The following RAB3IP variants were observed in gnomAD, a reference collection of about 807,000 sequenced individuals.
RAB3IP encodes RAB3A interacting protein.
RAB3IP carries 36 observed loss-of-function variants against 59.1 expected under a neutral mutation model. The ratio of observed to expected loss-of-function variants is 0.61; its 90% CI spans 0.47 to 0.80. The LOEUF (loss-of-function observed/expected upper bound fraction) is 0.80, where lower values mean the gene tolerates loss of function less well. RAB3IP is among the 30% of genes least tolerant of loss of function. RAB3IP has a pLI of 0.00. For synonymous variants in RAB3IP, 207 were observed against 191.2 expected, an observed-to-expected ratio of 1.08 and a Z score of -0.68; for missense variants, 511 against 536.0, an observed-to-expected ratio of 0.95 and a Z score of 0.46.
rs12424754 is a variant in RAB3IP, at chr12:69,802,758, T to C, written c.1130+1037T>C. Among the ~76,000 whole-genome samples, 930 of 152,330 alleles carry C rather than the reference T, an allele frequency of 6.1e-3. 9 individuals are homozygous for C. The highest frequency in any genetic ancestry group is 0.05 in the East Asian group (259 of 5,172). ...AGCTGTTGTAGGAATTGTGTGCTTG[T>C]TTCTATTCCCTGTTACGCACGTTAC... On this transcript the variant is annotated intron_variant, in intron 8 of 10. Coordinates refer to ENST00000247833, the MANE Select transcript of RAB3IP (RefSeq NM_022456.5).
At chr12:69,753,468 G>A (rs990657315) in intron 1 of RAB3IP, among the ~76,000 whole-genome samples, 1 of 152,100 alleles carries the variant, frequency 6.6e-6, no homozygotes, top group Non-Finnish European at 1.5e-5. Flanking sequence ...TCCTGCCTCA[G>A]CCTTCCGAGA....
intron 3 of RAB3IP, among the ~76,000 whole-genome samples, chr12:69,783,957 C>T (rs1204873785): frequency 6.6e-6 from 1 of 152,120 alleles, no homozygotes; most frequent in Non-Finnish European, 1.5e-5. Context: ...TATACTGCCA[C>T]CACAATTATA....
intron 3 of RAB3IP, among the ~76,000 whole-genome samples, chr12:69,763,654 G>T (rs1284057859): frequency 2.0e-5 from 3 of 151,900 alleles, no homozygotes; most frequent in African/African-American, 7.3e-5. Context: ...ATATGTGCAG[G>T]TATATTACCT....
intron 8 of RAB3IP, among the ~76,000 whole-genome samples, chr12:69,809,524 CT>C (rs915370050): frequency 6.6e-6 from 1 of 152,224 alleles, no homozygotes; most frequent in Non-Finnish European, 1.5e-5. Flanking sequence ...CTCCCCGTCA[CT>C]TTCAGGTACA....
chr12:69,801,629 G>A lies in RAB3IP; in HGVS notation c.1038G>A (p.Glu346=). The part of the protein sequence containing the change: ...SKSELASAVL[E]AVENNTLSIE... ...TTAAGTTGGCTTCAGCTGTTCTGGA[G>A]GCTGTGGAAAACAATACTCTAAGCA... Residue 346 remains glutamate, a synonymous_variant, in exon 8 of 11, where the codon GAG becomes GAA. Coordinates refer to ENST00000247833, the MANE Select transcript of RAB3IP (RefSeq NM_022456.5). The A allele has an allele frequency of 6.2e-7, 1 of 1,611,532 alleles. No individual in the cohort carries two copies. Among genetic ancestry groups the A allele is most frequent in the Non-Finnish European group, 8.5e-7 (1 of 1,178,484 alleles).
At chr12:69,739,812 T>A in intron 1 of RAB3IP, 2 of 1,613,616 alleles carry the variant, frequency 1.2e-6, no homozygotes. Context: ...TGATGCTGGG[T>A]GGAAGTCGCA....
intron 6 of RAB3IP, 51 bp from the exon 7 acceptor site, chr12:69,800,158 T>C (rs1878150695): frequency 1.4e-6 from 2 of 1,406,850 alleles, no homozygotes; most frequent in African/African-American, 1.5e-5. Context: ...AAGCGGTTTT[T>C]ATGTTTATAC....
chr12:69,770,535 C>T (rs1212386810), intron 3 of RAB3IP, among the ~76,000 whole-genome samples: 1 of 152,148 alleles, frequency 6.6e-6, no homozygotes, highest in Non-Finnish European at 1.5e-5. Flanking sequence ...CCTGCTGATG[C>T]AGAACCTGTG....
Position 69,738,938 on chromosome 12 carries a change from C to T in RAB3IP, c.-119C>T, listed in dbSNP as rs1241251251. 6.6e-6 allele frequency: 1 copy of T among 152,084 alleles called. No homozygotes were observed. The highest frequency in any genetic ancestry group is 1.5e-5 in the Non-Finnish European group (1 of 68,024). 9.4% of individuals were successfully genotyped at this position (152,084 alleles called of 1,614,324 possible). On this transcript the variant is annotated 5_prime_UTR_variant, in exon 1 of 11. Transcript: ENST00000247833. ...CGTGGAGTGTAGCGGAAAGGGCTCGCCGTCCTCCTCCGTTTCTCGCTGCTT... is the reference window on the plus strand; with the variant it reads ...CGTGGAGTGTAGCGGAAAGGGCTCGTCGTCCTCCTCCGTTTCTCGCTGCTT...
At chr12:69,791,048 T>C (rs981920690) in intron 4 of RAB3IP, among the ~76,000 whole-genome samples, 3 of 152,146 alleles carry the variant, frequency 2.0e-5, no homozygotes, top group Non-Finnish European at 4.4e-5. Context: ...ACATTTTTGG[T>C]TAGCTGACCC....
At chr12:69,745,996 T>C (rs1399929259) in intron 1 of RAB3IP, among the ~76,000 whole-genome samples, 5 of 152,310 alleles carry the variant, frequency 3.3e-5, no homozygotes, top group African/African-American at 1.2e-4. Context: ...CCATTTCAAA[T>C]GAATGCTCTG....
intron 8 of RAB3IP, among the ~76,000 whole-genome samples, chr12:69,802,563 A>G (rs147631747): frequency 6.6e-6 from 1 of 152,218 alleles, no homozygotes; most frequent in African/African-American, 2.4e-5. Context: ...TTAAAAAATG[A>G]CTTGGAAAGC....
At chr12:69,786,721 A>C (rs1421902172) in intron 4 of RAB3IP, among the ~76,000 whole-genome samples, 1 of 152,196 alleles carries the variant, frequency 6.6e-6, no homozygotes, top group Non-Finnish European at 1.5e-5. Flanking sequence ...CTGTTACATG[A>C]AATAGAAGTA....
chr12:69,809,848 C>T (rs922107716), intron 8 of RAB3IP, among the ~76,000 whole-genome samples: 7 of 152,120 alleles, frequency 4.6e-5, no homozygotes, highest in African/African-American at 1.7e-4. Context: ...GTTCGAACTT[C>T]CTCCTTTAGC....
chr12:69,749,331 T>A (rs1347814412), intron 1 of RAB3IP, among the ~76,000 whole-genome samples: 1 of 152,172 alleles, frequency 6.6e-6, no homozygotes, highest in East Asian at 1.9e-4. Context: ...GGTGGAACAG[T>A]TTCATCCCGA....
intron 8 of RAB3IP, among the ~76,000 whole-genome samples, chr12:69,807,442 TC>T (rs1227185007): frequency 7.2e-6 from 1 of 139,218 alleles, no homozygotes; most frequent in East Asian, 2.3e-4. Context: ...GCGGAGGCGC[TC>T]CTCACATCCC....
Position 69,801,589 on chromosome 12 carries a change from A to G in RAB3IP, c.1018-20A>G. ...TTTTTCTGCCAGTATAGCATCTAGTACTTTTTCTTTTTTTTTAAGTTGGCT... is the reference window on the plus strand; with the variant it reads ...TTTTTCTGCCAGTATAGCATCTAGTGCTTTTTCTTTTTTTTTAAGTTGGCT... On this transcript the variant is annotated intron_variant, in intron 7 of 10. Coordinates refer to ENST00000247833, the MANE Select transcript of RAB3IP (RefSeq NM_022456.5). The G allele has an allele frequency of 6.6e-7, 1 of 1,515,010 alleles. No individual in the cohort carries two copies. The highest frequency in any genetic ancestry group is 1.2e-5 in the South Asian group (1 of 86,206). The allele number at this position is 1,515,010 out of a possible 1,614,324, so 93.8% of individuals were successfully genotyped here. A position where few individuals can be genotyped will look rare whatever the true frequency, so the allele number is the denominator to read the frequency against.
At position 69,815,968 on chromosome 12, in the gene RAB3IP, A is replaced by G. The variant is rs1881095099; in HGVS notation, c.*522A>G. The G allele has an allele frequency of 6.6e-6, 1 of 152,642 alleles. No individual in the cohort carries two copies. Among genetic ancestry groups the G allele is most frequent in the Non-Finnish European group, 1.5e-5 (1 of 68,034 alleles). 9.5% of individuals were successfully genotyped at this position (152,642 alleles called of 1,614,324 possible). On this transcript the variant is annotated 3_prime_UTR_variant, in exon 11 of 11. Transcript: ENST00000247833. ...AATACTTCTGCTGCTACAAAGTTTG[A>G]AAGTTACTATTTTAATTATTCTGCT...
rs1221463170 is a variant in RAB3IP, at chr12:69,821,889, A to C, written c.*6443A>C. On this transcript the variant is annotated 3_prime_UTR_variant, in exon 11 of 11. Coordinates refer to ENST00000247833, the MANE Select transcript of RAB3IP (RefSeq NM_022456.5). ...GCTAAGGGACCCACTTTACTCACTT[A>C]TCTGCTGGGCCTTGGAAGTATTTCA... is the stretch of plus-strand genomic sequence containing the variant. 1 of 152,206 alleles carries C rather than the reference A, an allele frequency of 6.6e-6. No individual in the cohort carries two copies. The highest frequency in any genetic ancestry group is 2.4e-5 in the African/African-American group (1 of 41,450). The allele number at this position is 152,206 out of a possible 1,614,324, so 9.4% of individuals were successfully genotyped here.
Sources: gnomAD v4.1 joint callset for allele counts (sites outside exome capture counted in the v4.1 genomes callset) on GRCh38, gnomAD v4.1.1 for gene constraint, MANE v1.5 for transcripts, NCBI Gene and HGNC (gene_info 2026-07-23, HGNC 2026-07-21) for gene names.